The following GOLGA8B variants were observed in gnomAD, a reference collection of about 807,000 sequenced individuals.
The protein encoded by GOLGA8B is golgin A8 family member B.
Under a neutral mutation model 15.6 loss-of-function variants are expected in GOLGA8B, and 1 was observed. The observed-to-expected ratio is 0.06, with a 90% CI of 0.02 to 0.30. The LOEUF is 0.30. Among genes scored for constraint, GOLGA8B ranks in the 10% least tolerant of loss-of-function variants. GOLGA8B has a pLI of 1.00. For synonymous variants in GOLGA8B, 9 were observed against 80.3 expected (o/e 0.11, Z 4.75); for missense variants, 17 against 201.3 (o/e 0.08, Z 5.54).
chr15:34,579,554 A>T (rs2039992694), intron 1 of GOLGA8B, among the ~76,000 whole-genome samples: 1 of 152,194 alleles, frequency 6.6e-6, no homozygotes, highest in Admixed American at 6.5e-5. Context: ...AAGAAAGCTC[A>T]TTCTTTGGGC....
intron 1 of GOLGA8B, among the ~76,000 whole-genome samples, chr15:34,580,786 G>C (rs1222865839): frequency 2.0e-5 from 3 of 152,152 alleles, no homozygotes; most frequent in Admixed American, 1.3e-4. Context: ...CCCAGCCCCT[G>C]CCAGGCACAC....
intron 1 of GOLGA8B, among the ~76,000 whole-genome samples, chr15:34,570,539 G>C (rs991408926): frequency 3.7e-5 from 4 of 108,886 alleles, no homozygotes; most frequent in African/African-American, 1.3e-4. Context: ...CCCTCCTGAG[G>C]AGGGCCCCAG....
At chr15:34,566,755 G>A (rs560119882) in intron 1 of GOLGA8B, among the ~76,000 whole-genome samples, 3,739 of 137,796 alleles carry the variant, frequency 0.027, 279 homozygotes, top group African/African-American at 0.096. Flanking sequence ...ACTGCAGTGA[G>A]GATGGAGGTG....
At chr15:34,582,106 C>T (rs1889252612) in intron 1 of GOLGA8B, among the ~76,000 whole-genome samples, 1 of 152,204 alleles carries the variant, frequency 6.6e-6, no homozygotes, top group African/African-American at 2.4e-5. Flanking sequence ...AGGCAGCCCC[C>T]ACGGTCACCC....
chr15:34,532,680 G>C (rs1888173158), intron 11 of GOLGA8B, among the ~76,000 whole-genome samples, 166 bp downstream of exon 11: 1 of 114,920 alleles, frequency 8.7e-6, no homozygotes, highest in African/African-American at 2.7e-5. Flanking sequence ...AGCAAAAGAA[G>C]AGCCATGCTG....
intron 1 of GOLGA8B, chr15:34,556,836 G>A (rs573475546): frequency 3.0e-3 from 1,878 of 629,536 alleles, no homozygotes; most frequent in Admixed American, 7.9e-3. Context: ...TAGCTGTCCC[G>A]GGGAAGGGAG....
At chr15:34,567,659 A>G (rs1230446872) in intron 1 of GOLGA8B, among the ~76,000 whole-genome samples, 2 of 151,876 alleles carry the variant, frequency 1.3e-5, no homozygotes, top group African/African-American at 4.9e-5. Context: ...TAAGGGTTTA[A>G]AATTGAAAAT....
chr15:34,565,238 C>G (rs1888728685), intron 1 of GOLGA8B, among the ~76,000 whole-genome samples: 1 of 140,332 alleles, frequency 7.1e-6, no homozygotes, highest in Non-Finnish European at 1.6e-5. Context: ...CAGGTTCAAG[C>G]AATTCTGTGG....
At chr15:34,568,748 T>A (rs1888828089) in intron 1 of GOLGA8B, among the ~76,000 whole-genome samples, 1 of 78,158 alleles carries the variant, frequency 1.3e-5, no homozygotes, top group Non-Finnish European at 2.3e-5. Flanking sequence ...AAATTTTCTC[T>A]TTATAGCCAA....
At chr15:34,573,488 G>C (rs1358699219) in intron 1 of GOLGA8B, among the ~76,000 whole-genome samples, 1 of 131,584 alleles carries the variant, frequency 7.6e-6, no homozygotes, top group Non-Finnish European at 1.5e-5. Context: ...AGTAAGCCGA[G>C]ATTGTGCCAC....
chr15:34,542,997 A>G (rs1328997822), intron 7 of GOLGA8B, among the ~76,000 whole-genome samples: 1 of 76,468 alleles, frequency 1.3e-5, no homozygotes, highest in African/African-American at 5.6e-5. Context: ...CGTATTTTAG[A>G]CCTCATTCTG....
chr15:34,579,227 T>C (rs372193124), intron 1 of GOLGA8B, among the ~76,000 whole-genome samples: 20 of 152,020 alleles, frequency 1.3e-4, no homozygotes, highest in African/African-American at 4.8e-4. Context: ...TCCCAGTCCC[T>C]TTCTCATAAA....
At chr15:34,580,589 C>T (rs893910612) in intron 1 of GOLGA8B, among the ~76,000 whole-genome samples, 118 of 152,058 alleles carry the variant, frequency 7.8e-4, no homozygotes, top group Admixed American at 1.6e-3. Flanking sequence ...TCAGGAGAGG[C>T]GAGAAGCGAC....
rs560097913 is a variant in GOLGA8B, at chr15:34,565,221, C to T, written c.-1122-11265G>A. ...TGTGATCTTGGCTCACTGCAACCTC[C>T]GCCTCCCAGGTTCAAGCAATTCTGT... is the stretch of plus-strand genomic sequence containing the variant. On this transcript the variant is annotated intron_variant, in intron 1 of 23. Coordinates refer to ENST00000683415, the MANE Select transcript of GOLGA8B (RefSeq NM_001023567.5). 8.6e-5 allele frequency among the ~76,000 whole-genome samples: 12 copies of T among 139,568 alleles called. 1 individual carries two copies. The highest frequency in any genetic ancestry group is 6.0e-4 in the East Asian group (3 of 5,016). The allele number at this position is 139,568 out of a possible 152,430, so 91.6% of individuals were successfully genotyped here. A position where few individuals can be genotyped will look rare whatever the true frequency, so the allele number is the denominator to read the frequency against.
At chr15:34,567,924 T>C (rs3866559) in intron 1 of GOLGA8B, among the ~76,000 whole-genome samples, 61 of 151,826 alleles carry the variant, frequency 4.0e-4, no homozygotes, top group Middle Eastern at 3.4e-3. Context: ...TTTCATCACT[T>C]GCAATACAAA....
In GOLGA8B at chr15:34,564,969, G is replaced by A. The variant is rs143951608; in HGVS notation, c.-1122-11013C>T. Among the ~76,000 whole-genome samples the A allele has an allele frequency of 1.3e-4, 18 of 143,662 alleles. 3 individuals carry two copies. Among genetic ancestry groups the A allele is most frequent in the Non-Finnish European group, 2.6e-4 (16 of 62,510 alleles). The allele number at this position is 143,662 out of a possible 152,430, so 94.2% of individuals were successfully genotyped here. A position where few individuals can be genotyped will look rare whatever the true frequency, so the allele number is the denominator to read the frequency against. On this transcript the variant is annotated intron_variant, in intron 1 of 23. Transcript: ENST00000683415. ...TTGTGGCCTTGAGGGATGAATTAAG[G>A]GGCTGGAAAACTGGCAGCAGGACGG...
rs1192323429 is a variant in GOLGA8B at position 34,574,900 on chromosome 15, AACAGCTCCCT to A, written c.-1123+8606_-1123+8615del. ...CTTGCCCAGCAGCCCCCAGAGGATGAACAGCTCCCTCCACCTGAAAGGGGAAGAGGGCCCA... is the reference window on the plus strand; with the variant it reads ...CTTGCCCAGCAGCCCCCAGAGGATGACCACCTGAAAGGGGAAGAGGGCCCA... On this transcript the variant is annotated intron_variant, in intron 1 of 23. Coordinates refer to ENST00000683415, the MANE Select transcript of GOLGA8B (RefSeq NM_001023567.5). The A allele has an allele frequency of 2.0e-5, 3 of 152,082 alleles. No homozygotes were observed. The East Asian group carries it at 5.8e-4, about 29-fold the overall frequency. The allele number at this position is 152,082 out of a possible 1,614,324, so 9.4% of individuals were successfully genotyped here.
intron 1 of GOLGA8B, among the ~76,000 whole-genome samples, chr15:34,564,355 T>TAAAA (rs58970262): frequency 1.9e-4 from 20 of 105,468 alleles, no homozygotes; most frequent in South Asian, 1.3e-3. Context: ...TGTAGATTCT[T>TAAAA]AAAAAAAAAA....
chr15:34,571,493 T>C (rs1200087915), intron 1 of GOLGA8B, among the ~76,000 whole-genome samples: 1 of 150,750 alleles, frequency 6.6e-6, no homozygotes, highest in Admixed American at 6.6e-5. Context: ...AGCAGTAAAT[T>C]AGAATGGAGA....
Sources: gnomAD v4.1 joint callset for allele counts (sites outside exome capture counted in the v4.1 genomes callset) on GRCh38, gnomAD v4.1.1 for gene constraint, MANE v1.5 for transcripts, NCBI Gene and HGNC (gene_info 2026-07-23, HGNC 2026-07-21) for gene names.